The following NIPAL2 variants were observed in gnomAD, a reference collection of about 807,000 sequenced individuals.
NIPAL2 encodes the protein NIPA like domain containing 2, also known as NIPA-like protein 2.
A neutral mutation model predicts 48.9 loss-of-function variants in NIPAL2; 43 were observed. The observed-to-expected ratio is 0.88, with a 90% CI of 0.69 to 1.13. NIPAL2 has a LOEUF of 1.13. Among genes scored for constraint, NIPAL2 ranks in the 50% most tolerant of loss-of-function variants. The pLI, the probability that NIPAL2 is intolerant of heterozygous loss-of-function variation, is 0.00. For synonymous variants in NIPAL2, 167 were observed against 174.6 expected (o/e 0.96, Z 0.34); for missense variants, 446 against 461.4 (o/e 0.97, Z 0.31).
intron 1 of NIPAL2, among the ~76,000 whole-genome samples, chr8:98,282,308 A>G (rs1464821196): frequency 6.6e-6 from 1 of 152,154 alleles, no homozygotes; most frequent in African/African-American, 2.4e-5. Context: ...AGGCGGTGCT[A>G]AGACACAAAG....
At chr8:98,289,610 T>C (rs1298289653) in intron 1 of NIPAL2, among the ~76,000 whole-genome samples, 1 of 151,996 alleles carries the variant, frequency 6.6e-6, no homozygotes, top group East Asian at 1.9e-4. Flanking sequence ...CTCAGCCTCC[T>C]GAGTAGCTGG....
Position 98,237,782 on chromosome 8 carries a change from T to G in NIPAL2, c.377-1568A>C, listed in dbSNP as rs1028523708. On this transcript the variant is annotated intron_variant, in intron 3 of 10. Coordinates refer to ENST00000430223, the MANE Select transcript of NIPAL2 (RefSeq NM_001321635.2). ...CCTTGTGACCAGCTCTAGACTCAAGTGTCACCTCTGGATTCCCCTGGGCTG... is the reference window on the plus strand; with the variant it reads ...CCTTGTGACCAGCTCTAGACTCAAGGGTCACCTCTGGATTCCCCTGGGCTG... 2.0e-5 allele frequency among the ~76,000 whole-genome samples: 3 copies of G among 152,194 alleles called. No homozygotes were observed. In the East Asian group the frequency reaches 5.8e-4, roughly 29 times the overall value.
At chr8:98,286,058 T>C (rs1586492504) in intron 1 of NIPAL2, among the ~76,000 whole-genome samples, 2 of 152,212 alleles carry the variant, frequency 1.3e-5, no homozygotes, top group East Asian at 3.9e-4. Flanking sequence ...AATGTCTTTG[T>C]TTCTGGAGTA....
At chr8:98,241,589 C>T (rs1243750827) in intron 3 of NIPAL2, among the ~76,000 whole-genome samples, 3 of 151,854 alleles carry the variant, frequency 2.0e-5, no homozygotes, top group African/African-American at 7.3e-5. Flanking sequence ...GTGTCAATTG[C>T]AAAATTATTT....
At chr8:98,236,256 G>A (rs748290966) in intron 3 of NIPAL2, 42 bp from the exon 4 acceptor site, 6 of 1,388,486 alleles carry the variant, frequency 4.3e-6, no homozygotes, top group African/African-American at 1.4e-5. Flanking sequence ...CAATATAAAA[G>A]TGTCTATTAC....
chr8:98,253,820 T>A (rs1330021600), intron 2 of NIPAL2, among the ~76,000 whole-genome samples, 199 bp downstream of exon 2: 1 of 152,124 alleles, frequency 6.6e-6, no homozygotes, highest in Non-Finnish European at 1.5e-5. Context: ...TCTTTTAAAA[T>A]CAGAAGAAGA....
chr8:98,258,740 A>G (rs1814058516), intron 1 of NIPAL2, among the ~76,000 whole-genome samples: 1 of 151,386 alleles, frequency 6.6e-6, no homozygotes, highest in Non-Finnish European at 1.5e-5. Flanking sequence ...CAATTCAGCT[A>G]TTTCTCTATC....
At chr8:98,209,480 T>C (rs895648076) in intron 6 of NIPAL2, among the ~76,000 whole-genome samples, 2 of 138,904 alleles carry the variant, frequency 1.4e-5, no homozygotes, top group African/African-American at 2.7e-5. Flanking sequence ...TAGCCAGGCA[T>C]GATGCCACGC....
chr8:98,250,961 A>G (rs1432808912), intron 3 of NIPAL2, among the ~76,000 whole-genome samples: 1 of 152,146 alleles, frequency 6.6e-6, no homozygotes, highest in Non-Finnish European at 1.5e-5. Context: ...AGGTCTGGCT[A>G]TATCGCATTT....
At chr8:98,204,994 T>C in intron 7 of NIPAL2, 117 bp downstream of exon 7, 1 of 1,131,218 alleles carries the variant, frequency 8.8e-7, no homozygotes, top group Non-Finnish European at 1.3e-6. Context: ...TACAGGCCCT[T>C]CACCCTTAGA....
intron 6 of NIPAL2, among the ~76,000 whole-genome samples, chr8:98,209,488 C>T (rs73283720): frequency 0.034 from 4,968 of 147,318 alleles, 283 homozygotes; most frequent in African/African-American, 0.12. Context: ...CATGATGCCA[C>T]GCATCTGTAG....
chr8:98,277,681 T>C (rs1487890486), intron 1 of NIPAL2, among the ~76,000 whole-genome samples: 1 of 152,222 alleles, frequency 6.6e-6, no homozygotes, highest in African/African-American at 2.4e-5. Context: ...ATTCTGGACA[T>C]TTTATATAAA....
intron 1 of NIPAL2, among the ~76,000 whole-genome samples, chr8:98,274,502 G>T (rs967145303): frequency 1.3e-5 from 2 of 151,960 alleles, no homozygotes; most frequent in South Asian, 2.1e-4. Context: ...ACAAGTTCAG[G>T]ATTATTTTAT....
intron 5 of NIPAL2, among the ~76,000 whole-genome samples, chr8:98,213,975 G>A (rs776311122): frequency 4.6e-5 from 7 of 151,980 alleles, no homozygotes; most frequent in Non-Finnish European, 1.0e-4. Flanking sequence ...GCATACAGTC[G>A]GTCACTCAAT....
At chr8:98,235,892 TATA>T (rs949378964) in intron 4 of NIPAL2, among the ~76,000 whole-genome samples, 12 of 151,514 alleles carry the variant, frequency 7.9e-5, no homozygotes, top group East Asian at 5.8e-4. Flanking sequence ...TAAATTATTT[TATA>T]ATAATTCATT....
At chr8:98,232,518 A>T (rs867924711) in intron 4 of NIPAL2, among the ~76,000 whole-genome samples, 1 of 152,148 alleles carries the variant, frequency 6.6e-6, no homozygotes, top group South Asian at 2.1e-4. Context: ...TATTGAACAC[A>T]TTATGTGATA....
intron 4 of NIPAL2, among the ~76,000 whole-genome samples, chr8:98,224,295 T>C (rs1458057488): frequency 6.6e-6 from 1 of 152,234 alleles, no homozygotes; most frequent in Non-Finnish European, 1.5e-5. Flanking sequence ...GGGTTTTCTT[T>C]TCAGAGATGT....
intron 3 of NIPAL2, among the ~76,000 whole-genome samples, chr8:98,248,825 T>G (rs1393175511): frequency 6.6e-6 from 1 of 152,134 alleles, no homozygotes; most frequent in Non-Finnish European, 1.5e-5. Flanking sequence ...AGACTTCCAG[T>G]GAGAAAAATA....
intron 3 of NIPAL2, among the ~76,000 whole-genome samples, chr8:98,238,938 G>T (rs1160088228): frequency 6.6e-6 from 1 of 152,120 alleles, no homozygotes; most frequent in Admixed American, 6.5e-5. Flanking sequence ...ATGAGAAAAG[G>T]TATTAAAAAC....
Sources: gnomAD v4.1 joint callset for allele counts (sites outside exome capture counted in the v4.1 genomes callset) on GRCh38, gnomAD v4.1.1 for gene constraint, MANE v1.5 for transcripts, NCBI Gene and HGNC (gene_info 2026-07-23, HGNC 2026-07-21) for gene names.